Variants in CCR9 observed in about 807,000 individuals in gnomAD.
The protein encoded by CCR9 is C-C chemokine receptor type 9.
In CCR9, 4 loss-of-function variants were observed where a neutral mutation model predicts 8.7. The ratio of observed to expected loss-of-function variants is 0.46; its 90% CI spans 0.23 to 1.06. The LOEUF (loss-of-function observed/expected upper bound fraction) is 1.06. Ranked by LOEUF, CCR9 falls within the 50% of genes least tolerant of loss-of-function variation. The probability of loss-of-function intolerance (pLI) is 0.21; values close to 1 mark genes in which losing one functional copy is unlikely to be tolerated. For synonymous variants in CCR9, 159 were observed against 168.8 expected (o/e 0.94, Z 0.45); for missense variants, 394 against 453.6 (o/e 0.87, Z 1.19).
In CCR9 at chr3:45,900,671, G is replaced by A; in HGVS notation, c.22-139G>A. 3 of 759,336 alleles carry A rather than the reference G, an allele frequency of 4.0e-6. No individual in the cohort carries two copies. Among genetic ancestry groups the A allele is most frequent in the Non-Finnish European group, 6.5e-6 (3 of 461,236 alleles). The allele number at this position is 759,336 out of a possible 1,614,324, so 47.0% of individuals were successfully genotyped here. ...TAAATATGTCACAACCCAAGCAGATGTCCTCAGAATGCCTATGTGTCTTTG... is the reference window on the plus strand; with the variant it reads ...TAAATATGTCACAACCCAAGCAGATATCCTCAGAATGCCTATGTGTCTTTG... On this transcript the variant is annotated intron_variant, in intron 2 of 2. Coordinates refer to ENST00000357632, the MANE Select transcript of CCR9 (RefSeq NM_031200.3). The surrounding 1 kb of genome is among the most constrained non-coding windows in gnomAD (Gnocchi z 4.7).
chr3:45,900,568 T>A lies in CCR9; in HGVS notation c.22-242T>A, dbSNP rs559512640. Among the ~76,000 whole-genome samples the A allele has an allele frequency of 6.6e-6, 1 of 152,338 alleles. No individual in the cohort carries two copies. Among genetic ancestry groups the A allele is most frequent in the East Asian group, 1.9e-4 (1 of 5,186 alleles). ...CTGAGAGTGAAGCCACACATCTGAC[T>A]TATTTATTATGGTTTCTTTGGCACA... On this transcript the variant is annotated intron_variant, in intron 2 of 2. Transcript: ENST00000357632. This position sits in a 1 kb window ranked among gnomAD's most constrained non-coding sequence, Gnocchi z 4.7.
rs368620373 is a variant in CCR9, at chr3:45,901,921, G to T, written c.*23G>T. ...TGAGGGGTCTTCTCTGAGGTGCATG[G>T]TTCTTTTGGAAGAAATGAGAAATAC... On this transcript the variant is annotated 3_prime_UTR_variant, in exon 3 of 3. Transcript: ENST00000357632. This position sits in a 1 kb window ranked among gnomAD's most constrained non-coding sequence, Gnocchi z 4.3. 2 of 1,532,248 alleles carry T rather than the reference G, an allele frequency of 1.3e-6. No individual in the cohort carries two copies. The highest frequency in any genetic ancestry group is 1.8e-6 in the Non-Finnish European group (2 of 1,139,118). 94.9% of individuals were successfully genotyped at this position (1,532,248 alleles called of 1,614,324 possible).
chr3:45,893,782 C>G (rs1559423305), intron 1 of CCR9, among the ~76,000 whole-genome samples: 1 of 152,314 alleles, frequency 6.6e-6, no homozygotes, highest in East Asian at 1.9e-4. Context: ...GGGACATATA[C>G]TTACAATTTT....
intron 2 of CCR9, chr3:45,897,771 T>A: frequency 1.7e-6 from 1 of 593,906 alleles, no homozygotes; most frequent in Non-Finnish European, 2.9e-6. Context: ...TCTTTCTTCC[T>A]TGTCTGTCTT....
At chr3:45,890,330 T>A (rs1702129330) in intron 1 of CCR9, among the ~76,000 whole-genome samples, 1 of 72,992 alleles carries the variant, frequency 1.4e-5, no homozygotes, top group African/African-American at 1.3e-4. Flanking sequence ...TATAAATATA[T>A]ATATAACATA....
chr3:45,889,873 G>C (rs539563093), intron 1 of CCR9, among the ~76,000 whole-genome samples: 1 of 151,550 alleles, frequency 6.6e-6, no homozygotes, highest in Admixed American at 6.6e-5. Context: ...TCCAATTTTT[G>C]TTCTGCTCCA....
intron 2 of CCR9, chr3:45,897,421 G>A: frequency 1.5e-6 from 1 of 663,910 alleles, no homozygotes; most frequent in East Asian, 2.8e-5. Context: ...ATGCCCCCTG[G>A]GCTTCCAGCA....
chr3:45,894,965 C>T lies in CCR9; in HGVS notation c.21+11C>T, dbSNP rs756105381. 5.6e-6 allele frequency: 9 copies of T among 1,613,346 alleles called. No homozygotes were observed. Among genetic ancestry groups the T allele is most frequent in the Non-Finnish European group, 6.8e-6 (8 of 1,179,432 alleles). On this transcript the variant is annotated intron_variant, in intron 2 of 2. Transcript: ENST00000357632. ...CCCACAGACTTCACAGTGAGTACAGCCGTGCTCCTCTGGCTCCTCAAAACA... is the reference window on the plus strand; with the variant it reads ...CCCACAGACTTCACAGTGAGTACAGTCGTGCTCCTCTGGCTCCTCAAAACA...
intron 1 of CCR9, among the ~76,000 whole-genome samples, chr3:45,894,358 A>C (rs1489201552): frequency 6.6e-6 from 1 of 152,104 alleles, no homozygotes; most frequent in Non-Finnish European, 1.5e-5. Context: ...AGTGGGCACC[A>C]CCCAGCCCTC....
In CCR9 at chr3:45,902,119, G is replaced by A. The variant is rs577271905; in HGVS notation, c.*221G>A. 5 of 484,742 alleles carry A rather than the reference G, an allele frequency of 1.0e-5. No homozygotes were observed. Among genetic ancestry groups the A allele is most frequent in the African/African-American group, 3.9e-5 (2 of 51,100 alleles). 30.0% of individuals were successfully genotyped at this position (484,742 alleles called of 1,614,324 possible). On this transcript the variant is annotated 3_prime_UTR_variant, in exon 3 of 3. Coordinates refer to ENST00000357632, the MANE Select transcript of CCR9 (RefSeq NM_031200.3). ...TGATTGGCTCTTGACTGTGATGCCC[G>A]CAATTCTCAAAGGAGGACTAAGGAC...
At chr3:45,897,612 A>G (rs1702399120) in intron 2 of CCR9, 1 of 1,535,344 alleles carries the variant, frequency 6.5e-7, no homozygotes, top group Admixed American at 2.0e-5. Context: ...CCAGGAATCC[A>G]TCTCCTTCCA....
At chr3:45,894,709 G>A (rs1702295431) in intron 1 of CCR9, among the ~76,000 whole-genome samples, 197 bp from the exon 2 acceptor site, 1 of 152,152 alleles carries the variant, frequency 6.6e-6, no homozygotes, top group Non-Finnish European at 1.5e-5. Context: ...AACTTCAAAG[G>A]AGAGGTTCAT....
chr3:45,895,030 C>T lies in CCR9; in HGVS notation c.21+76C>T. 4.3e-6 allele frequency: 6 copies of T among 1,402,308 alleles called. No individual in the cohort carries two copies. In the South Asian group the frequency reaches 4.6e-5, roughly 11 times the overall value. The allele number at this position is 1,402,308 out of a possible 1,614,324, so 86.9% of individuals were successfully genotyped here. ...CTTTTTAGGGGGTGTGGGAAGGATC[C>T]ACTGTGGGGGAAGGATTTATCTGTG... On this transcript the variant is annotated intron_variant, in intron 2 of 2. Coordinates refer to ENST00000357632, the MANE Select transcript of CCR9 (RefSeq NM_031200.3).
chr3:45,892,763 C>T (rs571606088), intron 1 of CCR9, among the ~76,000 whole-genome samples: 6 of 152,168 alleles, frequency 3.9e-5, no homozygotes, highest in African/African-American at 2.4e-5. Context: ...AAAAAACCCA[C>T]GTGGGTCCGT....
intron 2 of CCR9, among the ~76,000 whole-genome samples, chr3:45,896,828 G>T (rs1702371935): frequency 6.6e-6 from 1 of 152,102 alleles, no homozygotes; most frequent in African/African-American, 2.4e-5. Flanking sequence ...CCCATTCTTG[G>T]TGCTAAGGCA....
At chr3:45,895,141 G>A (rs1315819212) in intron 2 of CCR9, 187 bp downstream of exon 2, 2 of 641,456 alleles carry the variant, frequency 3.1e-6, no homozygotes, top group Non-Finnish European at 5.6e-6. Flanking sequence ...CAAATGCAAA[G>A]AGGCAGCTAT....
At chr3:45,894,320 G>A (rs554945161) in intron 1 of CCR9, among the ~76,000 whole-genome samples, 6 of 152,286 alleles carry the variant, frequency 3.9e-5, no homozygotes, top group Middle Eastern at 3.4e-3. Flanking sequence ...TGGGGGCACC[G>A]GGTCTTTTAG....
At chr3:45,898,762 A>C (rs985825790) in intron 2 of CCR9, among the ~76,000 whole-genome samples, 1 of 152,240 alleles carries the variant, frequency 6.6e-6, no homozygotes, top group Admixed American at 6.5e-5. Context: ...CCACAAACAC[A>C]CACACAACAG....
At chr3:45,893,158 T>TC (rs1491274457) in intron 1 of CCR9, among the ~76,000 whole-genome samples, 28 of 141,376 alleles carry the variant, frequency 2.0e-4, no homozygotes, top group East Asian at 6.0e-4. Context: ...TCTCTCTCTC[T>TC]TTTTTTTTTT....
Sources: gnomAD v4.1 joint callset for allele counts (sites outside exome capture counted in the v4.1 genomes callset) on GRCh38, gnomAD v4.1.1 for gene constraint, Gnocchi (gnomAD v3.1) non-coding constraint, MANE v1.5 for transcripts, NCBI Gene and HGNC (gene_info 2026-07-23, HGNC 2026-07-21) for gene names.